GFUS: variants seen among roughly 807,000 people sequenced by gnomAD.
The protein encoded by GFUS is GDP-L-fucose synthase.
GFUS carries 42 observed loss-of-function variants against 41.5 expected under a neutral mutation model. The observed-to-expected ratio is 1.01, with a 90% CI of 0.79 to 1.31. GFUS has a LOEUF of 1.31. Ranked by LOEUF, GFUS falls within the 50% of genes most tolerant of loss-of-function variation. The pLI is 0.00. For missense variants in GFUS, 437 were observed against 428.7 expected, an observed-to-expected ratio of 1.02 and a Z score of -0.17; for synonymous variants, 188 against 173.4, an observed-to-expected ratio of 1.08 and a Z score of -0.66.
At chr8:143,613,034 G>T in intron 10 of GFUS, 69 bp from the exon 11 acceptor site, 1 of 1,582,566 alleles carries the variant, frequency 6.3e-7, no homozygotes. Flanking sequence ...AGTGGGGGGA[G>T]GAGGCCCAGG....
chr8:143,614,403 T>G lies in GFUS; in HGVS notation c.515A>C (p.Asn172Thr). 2.5e-6 allele frequency: 4 copies of G among 1,613,824 alleles called. No individual in the cohort carries two copies. The highest frequency in any genetic ancestry group is 3.4e-6 in the Non-Finnish European group (4 of 1,179,958). ...GCTFTAVIPT[N>T]VFGPHDNFNI... is the part of the protein sequence containing the mutation. ...GAAGTTGTCGTGGGGCCCGAAGACGTTGGTGGGGATGACAGCGGTGAAGGT... is the reference window on the plus strand; with the variant it reads ...GAAGTTGTCGTGGGGCCCGAAGACGGTGGTGGGGATGACAGCGGTGAAGGT... Residue 172 changes from asparagine (N) to threonine (T), a missense_variant, in exon 6 of 11, where the codon AAC (asparagine) becomes ACC (threonine). Physicochemically the swap from Asn to Thr is moderately conservative, Grantham distance 65. Transcript: ENST00000425753.
intron 3 of GFUS, 94 bp from the exon 4 acceptor site, chr8:143,615,009 C>G (rs1829689863): frequency 1.3e-6 from 2 of 1,516,144 alleles, no homozygotes; most frequent in African/African-American, 1.4e-5. Context: ...CACACCCTGG[C>G]CCTTCAGCCC....
intron 2 of GFUS, 127 bp downstream of exon 2, chr8:143,616,440 C>A: frequency 6.8e-7 from 1 of 1,468,470 alleles, no homozygotes; most frequent in Non-Finnish European, 9.4e-7. Flanking sequence ...AGGCCAGCCA[C>A]CTGGCAGGAA....
chr8:143,613,344 C>T (rs1450052008), intron 9 of GFUS, 49 bp from the exon 10 acceptor site: 1 of 1,579,296 alleles, frequency 6.3e-7, no homozygotes, highest in African/African-American at 1.3e-5. Context: ...CCACCCCAGC[C>T]CCCGCAGCTT....
intron 3 of GFUS, chr8:143,615,904 CT>C: frequency 2.0e-6 from 1 of 491,756 alleles, no homozygotes; most frequent in South Asian, 3.7e-5. Flanking sequence ...TCCAGGCCCC[CT>C]GCATGGCCCT....
At chr8:143,615,483 A>G (rs7817301) in intron 3 of GFUS, among the ~76,000 whole-genome samples, 128,282 of 152,206 alleles carry the variant, frequency 0.84, 54,183 homozygotes, top group East Asian at 0.88. Context: ...ACACCGACAA[A>G]GAGGGCTCTG....
chr8:143,617,360 C>T (rs1419370308), intron 1 of GFUS, 114 bp downstream of exon 1: 2 of 154,172 alleles, frequency 1.3e-5, no homozygotes, highest in Non-Finnish European at 2.9e-5. Context: ...GCCAGACCCT[C>T]TACCACAGCC....
In GFUS at chr8:143,614,669, T is replaced by C. The variant is rs150279875; in HGVS notation, c.419A>G (p.Asn140Ser). The C allele has an allele frequency of 1.2e-4, 194 of 1,609,240 alleles. No individual in the cohort carries two copies. The highest frequency in any genetic ancestry group is 1.1e-3 in the African/African-American group (85 of 74,976). ...MIHNGPPHNS[N>S]FGYSYAKRMI... The stretch of plus-strand genomic sequence containing the variant: ...CCTCTTGGCATACGAGTACCCAAAA[T>C]TGCTGTTGTGGGGAGGCCCATTGTG... Residue 140 changes from asparagine (N) to serine (S), a missense_variant, in exon 5 of 11, where the codon AAT becomes AGT. Coordinates refer to ENST00000425753, the MANE Select transcript of GFUS (RefSeq NM_003313.4).
chr8:143,614,615 C>T lies in GFUS; in HGVS notation c.464+9G>A, dbSNP rs773588286. On this transcript the variant is annotated intron_variant, in intron 5 of 10. Coordinates refer to ENST00000425753, the MANE Select transcript of GFUS (RefSeq NM_003313.4). The stretch of plus-strand genomic sequence containing the variant: ...CCTGGCTGGGCCTCAGCAGGATGGG[C>T]GCGAGGACCTGTTCTGCACGTCGAT... The T allele has an allele frequency of 1.0e-5, 16 of 1,578,366 alleles. No homozygotes were observed. In the South Asian group the frequency reaches 1.6e-4, roughly 16 times the overall value.
intron 1 of GFUS, 138 bp downstream of exon 1, chr8:143,617,336 G>A (rs1829752487): frequency 6.5e-6 from 1 of 154,592 alleles, no homozygotes; most frequent in South Asian, 2.0e-4. Context: ...AGCACGCGGG[G>A]AGACCTCACC....
In GFUS at chr8:143,614,834, T is replaced by C; in HGVS notation, c.343A>G (p.Thr115Ala). The stretch of plus-strand genomic sequence containing the variant: ...GTCGTCTTGTCAGGGAAGATACAGG[T>C]GGACAGGCAGGACACCACCTTGCGG... ...GARKVVSCLS[T>A]CIFPDKTTYP... Residue 115 changes from threonine (T) to alanine (A), a missense_variant, in exon 4 of 11, where the codon ACC becomes GCC. Physicochemically the swap from Thr to Ala is moderately conservative, Grantham distance 58. Coordinates refer to ENST00000425753, the MANE Select transcript of GFUS (RefSeq NM_003313.4). 1 of 1,613,642 alleles carries C rather than the reference T, an allele frequency of 6.2e-7. No homozygotes were observed. The highest frequency in any genetic ancestry group is 8.5e-7 in the Non-Finnish European group (1 of 1,179,962).
In GFUS at chr8:143,614,151, T is replaced by A; in HGVS notation, c.663+13A>T. 6.2e-7 allele frequency: 1 copy of A among 1,612,598 alleles called. No homozygotes were observed. The highest frequency in any genetic ancestry group is 8.5e-7 in the Non-Finnish European group (1 of 1,179,970). On this transcript the variant is annotated intron_variant, in intron 7 of 10. Coordinates refer to ENST00000425753, the MANE Select transcript of GFUS (RefSeq NM_003313.4). Reference sequence around the variant, plus strand: ...CAGGTTCTCTGGGGAGAGCTGTGCCTTCCTTTACGCACCAGCGAGTATATG... The same window carrying A: ...CAGGTTCTCTGGGGAGAGCTGTGCCATCCTTTACGCACCAGCGAGTATATG...
At chr8:143,616,431 G>A in intron 2 of GFUS, 136 bp downstream of exon 2, 9 of 1,417,392 alleles carry the variant, frequency 6.3e-6, no homozygotes, top group Non-Finnish European at 7.9e-6. Flanking sequence ...ACCCAGGCCA[G>A]GCCAGCCACC....
At chr8:143,616,432 G>A (rs1452464582) in intron 2 of GFUS, 135 bp downstream of exon 2, 8 of 1,421,936 alleles carry the variant, frequency 5.6e-6, no homozygotes, top group Non-Finnish European at 6.9e-6. Flanking sequence ...CCCAGGCCAG[G>A]CCAGCCACCT....
At chr8:143,614,077 C>A in intron 7 of GFUS, 87 bp downstream of exon 7, 1 of 1,558,632 alleles carries the variant, frequency 6.4e-7, no homozygotes, top group South Asian at 1.1e-5. Flanking sequence ...CTCCCTCCTG[C>A]ACCACCTCCC....
At chr8:143,613,012 C>A (rs762251496) in intron 10 of GFUS, 47 bp from the exon 11 acceptor site, 109 of 1,596,094 alleles carry the variant, frequency 6.8e-5, no homozygotes, top group Non-Finnish European at 8.8e-5. Context: ...GGGTCGGGGC[C>A]GCATGGGAGG....
At chr8:143,613,385 C>A in intron 9 of GFUS, 90 bp from the exon 10 acceptor site, 1 of 1,497,344 alleles carries the variant, frequency 6.7e-7, no homozygotes, top group Non-Finnish European at 9.3e-7. Context: ...CCCAGGGGAG[C>A]CACAGCAGAG....
At chr8:143,613,132 C>T (rs1207268022) in intron 10 of GFUS, 64 bp downstream of exon 10, 117 of 1,563,422 alleles carry the variant, frequency 7.5e-5, no homozygotes, top group Non-Finnish European at 9.8e-5. Flanking sequence ...GCCCTGGTAG[C>T]GAGCATGAGG....
intron 8 of GFUS, 47 bp from the exon 9 acceptor site, chr8:143,613,650 G>C (rs754643918): frequency 7.5e-6 from 12 of 1,601,492 alleles, no homozygotes; most frequent in Non-Finnish European, 1.0e-5. Context: ...CCACCCGACG[G>C]CCCATGAATA....
Sources: gnomAD v4.1 joint callset for allele counts (sites outside exome capture counted in the v4.1 genomes callset) on GRCh38, gnomAD v4.1.1 for gene constraint, MANE v1.5 for transcripts, NCBI Gene and HGNC (gene_info 2026-07-23, HGNC 2026-07-21) for gene names.